Variants in HMG20A observed in about 807,000 individuals in gnomAD.
The protein encoded by HMG20A is high mobility group protein 20A.
HMG20A carries 17 observed loss-of-function variants against 43.9 expected under a neutral mutation model. The ratio of observed to expected loss-of-function variants is 0.39; its 90% confidence interval spans 0.27 to 0.58. The LOEUF is 0.58. HMG20A is among the 20% of genes least tolerant of loss of function. The pLI is 0.59. For synonymous variants in HMG20A, 132 were observed against 147.5 expected (o/e 0.89, Z 0.76); for missense variants, 341 against 438.2 (o/e 0.78, Z 1.98).
chr15:77,440,066 G>A (rs542634503), intron 1 of HMG20A, among the ~76,000 whole-genome samples: 3 of 152,028 alleles, frequency 2.0e-5, no homozygotes, highest in South Asian at 4.2e-4. Context: ...GGAGTTCTTC[G>A]TATATTCTAA....
intron 1 of HMG20A, among the ~76,000 whole-genome samples, chr15:77,440,946 G>T (rs886966969): frequency 8.5e-5 from 13 of 152,168 alleles, no homozygotes; most frequent in African/African-American, 3.1e-4. Context: ...TACGGCAGAT[G>T]TGTGGATTAA....
intron 1 of HMG20A, among the ~76,000 whole-genome samples, chr15:77,444,640 T>C (rs534045515): frequency 6.6e-6 from 1 of 152,356 alleles, no homozygotes; most frequent in African/African-American, 2.4e-5. Flanking sequence ...GTTGAAGTTT[T>C]ATCATGTTGA....
chr15:77,432,936 C>G (rs947302090), intron 1 of HMG20A, among the ~76,000 whole-genome samples: 1 of 151,758 alleles, frequency 6.6e-6, no homozygotes, highest in African/African-American at 2.4e-5. Context: ...TATGAACAAC[C>G]TTACATAGAC....
the HMG20A span, among the ~76,000 whole-genome samples, chr15:77,508,304 C>T: frequency 1.3e-5 from 2 of 152,166 alleles, no homozygotes; most frequent in Non-Finnish European, 2.9e-5. Context: ...TCGGGTTCTG[C>T]TGTCAGAGCA....
At chr15:77,506,118 C>A in the HMG20A span, among the ~76,000 whole-genome samples, 8 of 151,456 alleles carry the variant, frequency 5.3e-5, no homozygotes, top group African/African-American at 1.7e-4. Flanking sequence ...TACAGGACAC[C>A]CAGTTAAATT....
In HMG20A at chr15:77,460,505, A is replaced by C. The variant is rs541875563; in HGVS notation, c.89+2009A>C. On this transcript the variant is annotated intron_variant, in intron 2 of 9. Coordinates refer to ENST00000336216, the MANE Select transcript of HMG20A (RefSeq NM_001304504.2). The stretch of plus-strand genomic sequence containing the variant: ...ATTAGATATCTAAGTGGAGATGTCA[A>C]ATAGGCACTTTGATATCAGGTTCTG... Among the ~76,000 whole-genome samples the C allele has an allele frequency of 2.5e-3, 385 of 152,318 alleles. 3 individuals carry two copies. The highest frequency in any genetic ancestry group is 3.9e-3 in the Non-Finnish European group (264 of 68,032).
intron 1 of HMG20A, among the ~76,000 whole-genome samples, chr15:77,448,308 C>T (rs758167406): frequency 4.6e-5 from 7 of 152,198 alleles, no homozygotes; most frequent in Non-Finnish European, 8.8e-5. Context: ...GCTTTCAGAC[C>T]TCATCTCCTT....
chr15:77,427,554 T>G (rs758166593), intron 1 of HMG20A, among the ~76,000 whole-genome samples: 1 of 152,322 alleles, frequency 6.6e-6, no homozygotes, highest in South Asian at 2.1e-4. Context: ...TTGTTCTCTT[T>G]GCTTATAATC....
intron 1 of HMG20A, among the ~76,000 whole-genome samples, chr15:77,427,624 C>T (rs1388416896): frequency 1.3e-5 from 2 of 152,080 alleles, no homozygotes. Context: ...AATTCAGGAC[C>T]CTTATACATG....
At chr15:77,494,652 A>G in the HMG20A span, among the ~76,000 whole-genome samples, 5 of 152,272 alleles carry the variant, frequency 3.3e-5, no homozygotes, top group African/African-American at 9.6e-5. Flanking sequence ...TAATATGTTT[A>G]TCTTGGCTGG....
the HMG20A span, among the ~76,000 whole-genome samples, chr15:77,498,355 T>A: frequency 1.2e-4 from 18 of 152,230 alleles, no homozygotes; most frequent in Non-Finnish European, 2.5e-4. Context: ...TCTAGGCACG[T>A]CTAGAGCTCA....
the HMG20A span, among the ~76,000 whole-genome samples, chr15:77,498,721 AG>A: frequency 6.6e-6 from 1 of 152,200 alleles, no homozygotes; most frequent in South Asian, 2.1e-4. Context: ...GTATCTCAAA[AG>A]GCATACAACA....
chr15:77,459,826 A>T (rs1193582771), intron 2 of HMG20A, among the ~76,000 whole-genome samples: 1 of 152,192 alleles, frequency 6.6e-6, no homozygotes, highest in Non-Finnish European at 1.5e-5. Context: ...GATTTAGAAA[A>T]TCTTAGGACC....
chr15:77,496,712 A>G, the HMG20A span, among the ~76,000 whole-genome samples: 2 of 152,222 alleles, frequency 1.3e-5, no homozygotes, highest in Admixed American at 6.5e-5. Context: ...TCTTCAGACC[A>G]GAGGTGGTCC....
At chr15:77,500,077 C>T in the HMG20A span, among the ~76,000 whole-genome samples, 3 of 152,054 alleles carry the variant, frequency 2.0e-5, no homozygotes, top group Non-Finnish European at 4.4e-5. Flanking sequence ...ATGATCCACC[C>T]GCCTCGGCCT....
the HMG20A span, among the ~76,000 whole-genome samples, chr15:77,515,184 C>T: frequency 6.6e-6 from 1 of 152,002 alleles, no homozygotes; most frequent in Non-Finnish European, 1.5e-5. Context: ...AGGGGCAAGA[C>T]GGGTACACAA....
the HMG20A span, among the ~76,000 whole-genome samples, chr15:77,507,106 ACTGTCTTCAAGCTG>A: frequency 6.6e-6 from 1 of 152,200 alleles, no homozygotes; most frequent in African/African-American, 2.4e-5. Context: ...TCTCTGCCTG[ACTGTCTTCAAGCTG>A]GGATGTCAAT....
chr15:77,519,456 G>A, the HMG20A span, among the ~76,000 whole-genome samples: 105 of 152,318 alleles, frequency 6.9e-4, no homozygotes, highest in African/African-American at 2.4e-3. Flanking sequence ...GTTAGAACTT[G>A]ATCCCCAGTG....
the HMG20A span, among the ~76,000 whole-genome samples, chr15:77,505,722 TGGGCTGCAGGGCTACA>T: frequency 1.3e-5 from 2 of 152,226 alleles, no homozygotes; most frequent in African/African-American, 4.8e-5. Flanking sequence ...CAGGCTGATG[TGGGCTGCAGGGCTACA>T]GGGCTGCAGG....
Sources: allele counts gnomAD v4.1 joint callset (sites outside exome capture counted in the v4.1 genomes callset), GRCh38; gene constraint gnomAD v4.1.1; transcripts MANE v1.5; gene names NCBI Gene and HGNC (gene_info 2026-07-23, HGNC 2026-07-21).